The following TRAK1 variants were observed in gnomAD, a reference collection of about 807,000 sequenced individuals.
TRAK1 encodes the protein trafficking kinesin-binding protein 1.
A neutral mutation model predicts 92.1 loss-of-function variants in TRAK1; 33 were observed. The observed-to-expected ratio is 0.36, with a 90% CI of 0.27 to 0.48. The LOEUF (loss-of-function observed/expected upper bound fraction) is 0.48. Ranked by LOEUF, TRAK1 falls within the 20% of genes least tolerant of loss-of-function variation. TRAK1 has a pLI of 0.99. For missense variants in TRAK1, 1,123 were observed against 1,257.9 expected, an observed-to-expected ratio of 0.89 and a Z score of 1.62; for synonymous variants, 521 against 517.3, an observed-to-expected ratio of 1.01 and a Z score of -0.10.
intron 14 of TRAK1, among the ~76,000 whole-genome samples, chr3:42,213,056 T>G (rs1203781278): frequency 2.0e-5 from 1 of 49,364 alleles, no homozygotes; most frequent in Non-Finnish European, 3.6e-5. Context: ...GAGCTGAGAT[T>G]TTTTTTTTTT....
At chr3:42,183,260 A>G (rs1224839889) in intron 3 of TRAK1, among the ~76,000 whole-genome samples, 1 of 152,180 alleles carries the variant, frequency 6.6e-6, no homozygotes, top group Non-Finnish European at 1.5e-5. Flanking sequence ...TGTGGCCTGA[A>G]AAATGAATCT....
At chr3:42,151,613 A>G (rs1699959523) in intron 2 of TRAK1, among the ~76,000 whole-genome samples, 1 of 152,232 alleles carries the variant, frequency 6.6e-6, no homozygotes. Context: ...AAAGTAGGGA[A>G]TAAAGGAACA....
At chr3:42,033,379 TC>T (rs1702219264) in intron 1 of TRAK1, among the ~76,000 whole-genome samples, 1 of 152,202 alleles carries the variant, frequency 6.6e-6, no homozygotes, top group African/African-American at 2.4e-5. Flanking sequence ...ATGTTTAAGA[TC>T]TGTGATCTTG....
In TRAK1 at chr3:42,151,369, C is replaced by A. The variant is rs576497550; in HGVS notation, c.287-25445C>A. 6.6e-6 allele frequency: 3 copies of A among 456,622 alleles called. No individual in the cohort carries two copies. In the East Asian group the frequency reaches 2.1e-4, roughly 32 times the overall value. The allele number at this position is 456,622 out of a possible 1,614,324, so 28.3% of individuals were successfully genotyped here. ...AGTTGAGTCTTTTGGCCCTGAGAGACCCTGATCTGTCTTCCTCTAAGAGCA... is the reference window on the plus strand; with the variant it reads ...AGTTGAGTCTTTTGGCCCTGAGAGAACCTGATCTGTCTTCCTCTAAGAGCA... On this transcript the variant is annotated intron_variant, in intron 2 of 15. Coordinates refer to ENST00000327628, the MANE Select transcript of TRAK1 (RefSeq NM_001042646.3).
At chr3:42,024,760 TAC>T (rs1701854435) in intron 1 of TRAK1, among the ~76,000 whole-genome samples, 3 of 152,228 alleles carry the variant, frequency 2.0e-5, no homozygotes, top group Admixed American at 6.5e-5. Flanking sequence ...GCTATTGTGT[TAC>T]CAAGCCTGAG....
At chr3:42,193,341 G>A in intron 8 of TRAK1, 136 bp downstream of exon 8, 2 of 1,246,430 alleles carry the variant, frequency 1.6e-6, no homozygotes, top group Non-Finnish European at 2.2e-6. Flanking sequence ...AAAAAGCTTA[G>A]TGGACTCAGT....
At chr3:42,031,111 C>G (rs1038221123) in intron 1 of TRAK1, among the ~76,000 whole-genome samples, 1 of 148,404 alleles carries the variant, frequency 6.7e-6, no homozygotes, top group Non-Finnish European at 1.5e-5. Context: ...TCTCGGCTCA[C>G]TGCAGCCTCC....
chr3:42,224,331 C>A lies in TRAK1; in HGVS notation c.*594C>A, dbSNP rs759271549. On this transcript the variant is annotated 3_prime_UTR_variant, in exon 16 of 16. Coordinates refer to ENST00000327628, the MANE Select transcript of TRAK1 (RefSeq NM_001042646.3). ...GCTCTGCCTCAGTGGACAGTCGTTT[C>A]TTTTTTGAGGTGTGACCTTTTGTTT... 8.7e-5 allele frequency: 25 copies of A among 286,356 alleles called. No individual in the cohort carries two copies. The highest frequency in any genetic ancestry group is 1.4e-4 in the Non-Finnish European group (21 of 149,288). 17.7% of individuals were successfully genotyped at this position (286,356 alleles called of 1,614,324 possible).
chr3:42,183,316 G>A (rs1704274044), intron 3 of TRAK1, among the ~76,000 whole-genome samples: 1 of 152,064 alleles, frequency 6.6e-6, no homozygotes, highest in Non-Finnish European at 1.5e-5. Flanking sequence ...AGCATTTTGG[G>A]AGGTCGAGGA....
chr3:42,191,796 C>G (rs1222618712), intron 7 of TRAK1, among the ~76,000 whole-genome samples, 160 bp downstream of exon 7: 2 of 151,300 alleles, frequency 1.3e-5, no homozygotes, highest in East Asian at 1.9e-4. Context: ...GGCACCCCCT[C>G]TCTATTATTT....
intron 1 of TRAK1, among the ~76,000 whole-genome samples, chr3:42,092,685 TG>T (rs1271372661): frequency 6.4e-5 from 7 of 110,176 alleles, no homozygotes; most frequent in South Asian, 7.9e-4. Flanking sequence ...TTTATTTTGT[TG>T]TGTTGTGTTG....
intron 2 of TRAK1, among the ~76,000 whole-genome samples, chr3:42,172,372 A>C (rs1327136694): frequency 1.3e-5 from 2 of 152,112 alleles, no homozygotes; most frequent in Middle Eastern, 3.2e-3. Context: ...AGAAGCCCTG[A>C]TCAGTGCTTT....
intron 1 of TRAK1, among the ~76,000 whole-genome samples, chr3:42,097,002 T>C (rs1274132584): frequency 6.6e-6 from 1 of 152,242 alleles, no homozygotes; most frequent in African/African-American, 2.4e-5. Context: ...TGCTTATCTT[T>C]CCAAAAATGT....
chr3:42,106,395 A>T (rs1277083210), intron 1 of TRAK1, among the ~76,000 whole-genome samples: 1 of 152,218 alleles, frequency 6.6e-6, no homozygotes, highest in Non-Finnish European at 1.5e-5. Flanking sequence ...GATAAAACAG[A>T]CTTTAAACCA....
chr3:42,188,382 A>G (rs943064327), intron 5 of TRAK1, among the ~76,000 whole-genome samples: 12 of 152,140 alleles, frequency 7.9e-5, no homozygotes, highest in South Asian at 2.1e-4. Context: ...TTATTTGTCA[A>G]TTTAGATTGA....
intron 1 of TRAK1, among the ~76,000 whole-genome samples, chr3:42,080,825 G>T (rs192246849): frequency 6.6e-6 from 1 of 152,256 alleles, no homozygotes; most frequent in Non-Finnish European, 1.5e-5. Flanking sequence ...TGTAAATGAG[G>T]TCTCCTGATC....
chr3:42,217,538 C>A, intron 14 of TRAK1: 1 of 985,302 alleles, frequency 1.0e-6, no homozygotes, highest in Non-Finnish European at 1.2e-6. Flanking sequence ...ATTGAAGATC[C>A]AATATGTAAG....
In TRAK1 at chr3:42,223,401, C is replaced by T; in HGVS notation, c.2526C>T (p.Asn842=). The T allele has an allele frequency of 3.1e-6, 5 of 1,614,210 alleles. No homozygotes were observed. The highest frequency in any genetic ancestry group is 1.7e-5 in the Admixed American group (1 of 60,032). The change falls in exon 16 of 16, where the codon AAC becomes AAT. Residue 842 remains asparagine (N), a synonymous_variant. Transcript: ENST00000327628. This position sits in a 1 kb window ranked among gnomAD's most constrained non-coding sequence, Gnocchi z 6.1. ...CCGACGTGTCCGTCTCCAACCTCAA[C>T]CTCGTGGACAAAGTCAGGAGGTTTG... is the stretch of plus-strand genomic sequence containing the variant. ...SQTDVSVSNL[N]LVDKVRRFGV...
chr3:42,191,687 T>G (rs1227319013), intron 7 of TRAK1, 51 bp downstream of exon 7: 1 of 1,545,888 alleles, frequency 6.5e-7, no homozygotes, highest in South Asian at 1.2e-5. Flanking sequence ...GCTGTCATGA[T>G]TAGACAGATT....
Sources: gnomAD v4.1 joint callset for allele counts (sites outside exome capture counted in the v4.1 genomes callset) on GRCh38, gnomAD v4.1.1 for gene constraint, Gnocchi (gnomAD v3.1) non-coding constraint, MANE v1.5 for transcripts, NCBI Gene and HGNC (gene_info 2026-07-23, HGNC 2026-07-21) for gene names.